DIAPH2: variants seen among roughly 807,000 people sequenced by gnomAD.
DIAPH2 encodes protein diaphanous homolog 2.
A neutral mutation model predicts 92.7 loss-of-function variants in DIAPH2; 35 were observed. The observed-to-expected ratio is 0.38, with a 90% CI of 0.29 to 0.50. The LOEUF is 0.50. DIAPH2 is among the 20% of genes least tolerant of loss of function. DIAPH2 has a pLI of 0.94. For missense variants in DIAPH2, 701 were observed against 819.5 expected, an observed-to-expected ratio of 0.86 and a Z score of 1.77; for synonymous variants, 301 against 280.4, an observed-to-expected ratio of 1.07 and a Z score of -0.73.
chrX:96,857,500 G>A lies in DIAPH2; in HGVS notation c.448-24079G>A, dbSNP rs766178657. ...TTTCAGAGAAACAATCTGTTGAAAT[G>A]TAGATTTCTAAAGTATTTTCTGCAT... is the stretch of plus-strand genomic sequence containing the variant. On this transcript the variant is annotated intron_variant, in intron 4 of 26. Transcript: ENST00000324765. Among the ~76,000 whole-genome samples the A allele has an allele frequency of 7.1e-5, 8 of 112,505 alleles. No individual in the cohort carries two copies. The East Asian group carries it at 1.7e-3, about 23-fold the overall frequency.
rs183602153 is a variant in DIAPH2, at chrX:96,858,176, T to A, written c.448-23403T>A. Among the ~76,000 whole-genome samples, 26 of 112,144 alleles carry A rather than the reference T, an allele frequency of 2.3e-4. No homozygotes were observed. In the East Asian group the frequency reaches 7.3e-3, roughly 31 times the overall value. On this transcript the variant is annotated intron_variant, in intron 4 of 26. Transcript: ENST00000324765. Reference sequence around the variant, plus strand: ...TTTGATTCCCTTGAAGTACACTTTTTTAATTTTGTATTCCAGGGTACTAGG... The same window carrying A: ...TTTGATTCCCTTGAAGTACACTTTTATAATTTTGTATTCCAGGGTACTAGG...
intron 17 of DIAPH2, among the ~76,000 whole-genome samples, chrX:96,970,101 G>T (rs1190278951): frequency 1.8e-5 from 2 of 112,007 alleles, no homozygotes; most frequent in African/African-American, 6.5e-5. Flanking sequence ...TTCTGATGTT[G>T]TGCTTGATTT....
chrX:97,273,976 G>A (rs375606056), intron 23 of DIAPH2, among the ~76,000 whole-genome samples: 1 of 107,149 alleles, frequency 9.3e-6, no homozygotes, highest in African/African-American at 3.4e-5. Context: ...GTCATTTGCT[G>A]TTGAAACTTT....
At chrX:97,173,343 G>T (rs1023357864) in intron 22 of DIAPH2, among the ~76,000 whole-genome samples, 1 of 111,707 alleles carries the variant, frequency 9.0e-6, no homozygotes, top group Non-Finnish European at 1.9e-5. Flanking sequence ...AGAGGTTACA[G>T]TGAGCTGAAA....
intron 26 of DIAPH2, among the ~76,000 whole-genome samples, chrX:97,591,128 T>G (rs1291230037): frequency 8.9e-6 from 1 of 111,935 alleles, no homozygotes; most frequent in African/African-American, 3.2e-5. Flanking sequence ...GAACTAGAAT[T>G]CCCTTTTTCT....
intron 17 of DIAPH2, among the ~76,000 whole-genome samples, chrX:97,020,399 G>C (rs2066289936): frequency 8.9e-6 from 1 of 111,836 alleles, no homozygotes; most frequent in Non-Finnish European, 1.9e-5. Context: ...CAATGCGGTA[G>C]CCCTGCCTTA....
intron 3 of DIAPH2, among the ~76,000 whole-genome samples, chrX:96,742,670 CTTT>C (rs758196935): frequency 9.9e-6 from 1 of 100,922 alleles, no homozygotes; most frequent in Non-Finnish European, 2.0e-5. Flanking sequence ...GTTTTTCTTT[CTTT>C]TTTTTTTTTT....
chrX:96,946,683 G>A (rs976519573), intron 14 of DIAPH2, among the ~76,000 whole-genome samples: 1 of 111,546 alleles, frequency 9.0e-6, no homozygotes, highest in South Asian at 3.8e-4. Flanking sequence ...GTTTTAAGTA[G>A]CACATTTAAA....
intron 23 of DIAPH2, among the ~76,000 whole-genome samples, chrX:97,286,876 A>T (rs1467376319): frequency 9.0e-6 from 1 of 111,154 alleles, no homozygotes; most frequent in Non-Finnish European, 1.9e-5. Context: ...TAGCCTGATC[A>T]ATGTCCCTTC....
intron 23 of DIAPH2, among the ~76,000 whole-genome samples, chrX:97,266,002 C>T (rs924607611): frequency 1.8e-5 from 2 of 112,000 alleles, no homozygotes; most frequent in Non-Finnish European, 3.8e-5. Context: ...TTATCACATA[C>T]GTTCCTAGTT....
At chrX:96,834,909 G>C (rs961813512) in intron 4 of DIAPH2, among the ~76,000 whole-genome samples, 11 of 111,810 alleles carry the variant, frequency 9.8e-5, no homozygotes, top group Non-Finnish European at 2.1e-4. Context: ...TGAGCCATGA[G>C]TGCTCAACTT....
At chrX:97,493,129 T>G (rs1228276852) in intron 26 of DIAPH2, among the ~76,000 whole-genome samples, 1 of 112,946 alleles carries the variant, frequency 8.9e-6, no homozygotes, top group East Asian at 2.8e-4. Context: ...ATGACTTGTC[T>G]TCAGTTTCAC....
chrX:96,866,297 A>T (rs776979555), intron 4 of DIAPH2, among the ~76,000 whole-genome samples: 12 of 111,905 alleles, frequency 1.1e-4, no homozygotes, highest in Non-Finnish European at 2.1e-4. Flanking sequence ...CTGCATAACA[A>T]TATTAATACT....
At chrX:97,301,880 C>A (rs1316775626) in intron 23 of DIAPH2, among the ~76,000 whole-genome samples, 9 of 110,930 alleles carry the variant, frequency 8.1e-5, no homozygotes, top group Non-Finnish European at 1.5e-4. Context: ...GAACTGTATA[C>A]CCCAGTCAAT....
chrX:96,977,324 A>G (rs1176401271), intron 17 of DIAPH2, among the ~76,000 whole-genome samples: 1 of 112,053 alleles, frequency 8.9e-6, no homozygotes, highest in Non-Finnish European at 1.9e-5. Context: ...AGAATCTGTC[A>G]GTGGTAAAAC....
At chrX:97,464,818 AATATAT>A (rs752739687) in intron 26 of DIAPH2, among the ~76,000 whole-genome samples, 1 of 111,264 alleles carries the variant, frequency 9.0e-6, no homozygotes, top group African/African-American at 3.3e-5. Flanking sequence ...TGGCTACATA[AATATAT>A]ATATATGTAT....
chrX:96,755,762 A>T (rs2064224429), intron 3 of DIAPH2, among the ~76,000 whole-genome samples: 1 of 111,225 alleles, frequency 9.0e-6, no homozygotes, highest in African/African-American at 3.3e-5. Context: ...GAGTAAAGGG[A>T]TAAAAATACT....
chrX:96,825,364 T>C (rs983225893), intron 4 of DIAPH2, among the ~76,000 whole-genome samples: 64 of 108,667 alleles, frequency 5.9e-4, no homozygotes, highest in Non-Finnish European at 1.2e-3. Context: ...CTTTTTTTTT[T>C]TTTTTTTTTT....
intron 26 of DIAPH2, among the ~76,000 whole-genome samples, chrX:97,507,364 T>A (rs1314535479): frequency 9.0e-6 from 1 of 110,913 alleles, no homozygotes; most frequent in Non-Finnish European, 1.9e-5. Flanking sequence ...AATAAAATGT[T>A]GCATTTTTTA....
Sources: allele counts gnomAD v4.1 joint callset (sites outside exome capture counted in the v4.1 genomes callset), GRCh38; gene constraint gnomAD v4.1.1; transcripts MANE v1.5; gene names NCBI Gene and HGNC (gene_info 2026-07-23, HGNC 2026-07-21).